The following KCNK13 variants were observed in gnomAD, a reference collection of about 807,000 sequenced individuals.
The protein encoded by KCNK13 is potassium channel subfamily K member 13.
In KCNK13, 12 loss-of-function variants were observed where a neutral mutation model predicts 23.4. The observed-to-expected ratio is 0.51, with a 90% CI of 0.33 to 0.83. The LOEUF (loss-of-function observed/expected upper bound fraction) is 0.83, where lower values mean the gene tolerates loss of function less well. Ranked by LOEUF, KCNK13 falls within the 40% of genes least tolerant of loss-of-function variation. The pLI is 0.02. For missense variants in KCNK13, 463 were observed against 556.3 expected (o/e 0.83, Z 1.69); for synonymous variants, 231 against 229.5 (o/e 1.01, Z -0.06).
intron 1 of KCNK13, among the ~76,000 whole-genome samples, chr14:90,083,599 T>C (rs1181503669): frequency 6.6e-6 from 1 of 152,192 alleles, no homozygotes; most frequent in Non-Finnish European, 1.5e-5. Flanking sequence ...ATGGGATTAA[T>C]TGTGTTATAA....
At chr14:90,156,658 C>G (rs533815746) in intron 1 of KCNK13, among the ~76,000 whole-genome samples, 1 of 152,282 alleles carries the variant, frequency 6.6e-6, no homozygotes, top group South Asian at 2.1e-4. Flanking sequence ...ATTATATACT[C>G]CATTTCACTG....
chr14:90,157,826 G>A (rs902646355), intron 1 of KCNK13, among the ~76,000 whole-genome samples: 3 of 149,024 alleles, frequency 2.0e-5, no homozygotes, highest in Non-Finnish European at 4.4e-5. Context: ...TCAGCCTCCC[G>A]AGTAGCTGGG....
chr14:90,154,104 C>G (rs11622465), intron 1 of KCNK13, among the ~76,000 whole-genome samples: 5 of 152,164 alleles, frequency 3.3e-5, no homozygotes, highest in Non-Finnish European at 7.3e-5. Flanking sequence ...GCAGCATGTG[C>G]TCTATTTGGT....
chr14:90,185,275 A>T lies in KCNK13; in HGVS notation c.*272A>T. On this transcript the variant is annotated 3_prime_UTR_variant, in exon 2 of 2. Coordinates refer to ENST00000282146, the MANE Select transcript of KCNK13 (RefSeq NM_022054.4). ...ACAAATCACAAAAGCAGCATTAGAC[A>T]TTGCCTTGTTTCATTAATCTTGTTT... 2.9e-6 allele frequency: 1 copy of T among 344,856 alleles called. No individual in the cohort carries two copies. Among genetic ancestry groups the T allele is most frequent in the Non-Finnish European group, 5.2e-6 (1 of 190,536 alleles). 21.4% of individuals were successfully genotyped at this position (344,856 alleles called of 1,614,324 possible). A position where few individuals can be genotyped will look rare whatever the true frequency, so the allele number is the denominator to read the frequency against.
intron 1 of KCNK13, among the ~76,000 whole-genome samples, chr14:90,065,088 T>G (rs1888992561): frequency 6.6e-6 from 1 of 152,232 alleles, no homozygotes; most frequent in Non-Finnish European, 1.5e-5. Flanking sequence ...CATGTTTTGG[T>G]CCATTTTCTT....
Position 90,170,184 on chromosome 14 carries a change from C to CAA in KCNK13, c.335-13917_335-13916dup, listed in dbSNP as rs199897479. 6.5e-3 allele frequency among the ~76,000 whole-genome samples: 949 copies of CAA among 145,922 alleles called. 6 individuals are homozygous for CAA. Among genetic ancestry groups the CAA allele is most frequent in the African/African-American group, 0.023 (916 of 39,928 alleles). On this transcript the variant is annotated intron_variant, in intron 1 of 1. Transcript: ENST00000282146. ...AGATTTTACCCATATGATTGTCAAT[C>CAA]AAAAAAAAAAATTACAAGCCTCAAT...
At chr14:90,080,056 T>C (rs983680871) in intron 1 of KCNK13, among the ~76,000 whole-genome samples, 3 of 152,194 alleles carry the variant, frequency 2.0e-5, no homozygotes, top group Admixed American at 1.3e-4. Context: ...TATTGTTGTC[T>C]GAGGACGGGA....
intron 1 of KCNK13, chr14:90,107,716 G>C: frequency 1.3e-6 from 1 of 773,374 alleles, no homozygotes; most frequent in Non-Finnish European, 2.4e-6. Context: ...AGCCTGGGAA[G>C]GTGGTTGTGT....
At chr14:90,104,283 T>C (rs1889516730) in intron 1 of KCNK13, among the ~76,000 whole-genome samples, 1 of 152,200 alleles carries the variant, frequency 6.6e-6, no homozygotes, top group African/African-American at 2.4e-5. Flanking sequence ...CCTCCCTGCA[T>C]TCTTGTTGGG....
chr14:90,167,258 G>A (rs1312264056), intron 1 of KCNK13, among the ~76,000 whole-genome samples: 2 of 152,096 alleles, frequency 1.3e-5, no homozygotes, highest in African/African-American at 4.8e-5. Flanking sequence ...TTTAACCCTC[G>A]TATCGCAGTC....
intron 1 of KCNK13, among the ~76,000 whole-genome samples, chr14:90,124,852 TAAG>T (rs1471077418): frequency 1.3e-5 from 2 of 152,168 alleles, no homozygotes. Context: ...AAAAATACAA[TAAG>T]AAGACAATCT....
At chr14:90,140,798 C>A (rs545580672) in intron 1 of KCNK13, among the ~76,000 whole-genome samples, 10 of 152,074 alleles carry the variant, frequency 6.6e-5, no homozygotes, top group Non-Finnish European at 2.9e-5. Context: ...GTCATTGTCT[C>A]CCCGGGGCGC....
Position 90,113,979 on chromosome 14 carries a change from A to AGGGAT in KCNK13, c.334+51442_334+51446dup, listed in dbSNP as rs148501754. 5.3e-3 allele frequency among the ~76,000 whole-genome samples: 813 copies of AGGGAT among 152,274 alleles called. 5 individuals carry two copies. The highest frequency in any genetic ancestry group is 0.018 in the African/African-American group (750 of 41,560). ...AAGAATGAAAGAAAAAGAAACCTAGAGGGATGTACAAGAACTTTCTGTACT... is the reference window on the plus strand; with the variant it reads ...AAGAATGAAAGAAAAAGAAACCTAGAGGGATGGGATGTACAAGAACTTTCTGTACT... On this transcript the variant is annotated intron_variant, in intron 1 of 1. Transcript: ENST00000282146.
chr14:90,074,382 A>C (rs2140391070), intron 1 of KCNK13, among the ~76,000 whole-genome samples: 1 of 152,326 alleles, frequency 6.6e-6, no homozygotes, highest in East Asian at 1.9e-4. Context: ...GGTATGTAGA[A>C]AAGATTTTTA....
At chr14:90,116,413 CT>C (rs1889677581) in intron 1 of KCNK13, among the ~76,000 whole-genome samples, 1 of 152,200 alleles carries the variant, frequency 6.6e-6, no homozygotes, top group African/African-American at 2.4e-5. Flanking sequence ...TAGTTATAAA[CT>C]ATCGCACAGT....
At chr14:90,159,445 G>C (rs1890228696) in intron 1 of KCNK13, among the ~76,000 whole-genome samples, 1 of 152,164 alleles carries the variant, frequency 6.6e-6, no homozygotes, top group Non-Finnish European at 1.5e-5. Context: ...CAGATGGCCT[G>C]GGTCTGTCTG....
chr14:90,095,138 G>C (rs1889396428), intron 1 of KCNK13, among the ~76,000 whole-genome samples: 1 of 152,162 alleles, frequency 6.6e-6, no homozygotes. Context: ...TATGGGCAGA[G>C]AATCACAGCG....
chr14:90,181,223 C>A (rs1316905508), intron 1 of KCNK13, among the ~76,000 whole-genome samples: 1 of 152,200 alleles, frequency 6.6e-6, no homozygotes, highest in Admixed American at 6.5e-5. Flanking sequence ...ATGTCTGTGT[C>A]ATCTTCTTTG....
At chr14:90,101,998 C>T (rs1889487690) in intron 1 of KCNK13, among the ~76,000 whole-genome samples, 1 of 151,650 alleles carries the variant, frequency 6.6e-6, no homozygotes, top group African/African-American at 2.4e-5. Context: ...ATTCTCCTGC[C>T]TCAGCCTCCC....
Sources: gnomAD v4.1 joint callset for allele counts (sites outside exome capture counted in the v4.1 genomes callset) on GRCh38, gnomAD v4.1.1 for gene constraint, MANE v1.5 for transcripts, NCBI Gene and HGNC (gene_info 2026-07-23, HGNC 2026-07-21) for gene names.